Variants in ADCY2 observed in about 807,000 individuals in gnomAD.
ADCY2 encodes the protein adenylate cyclase 2, also known as adenylate cyclase type 2.
In ADCY2, 31 loss-of-function variants were observed where a neutral mutation model predicts 125.2. The observed-to-expected ratio is 0.25, with a 90% CI of 0.19 to 0.33. The LOEUF is 0.33. ADCY2 is among the 10% of genes least tolerant of loss of function. ADCY2 has a pLI of 1.00. For missense variants in ADCY2, 904 were observed against 1,418.2 expected (o/e 0.64, Z 5.82); for synonymous variants, 512 against 548.4 (o/e 0.93, Z 0.93).
chr5:7,528,590 T>C (rs922045463), intron 3 of ADCY2, among the ~76,000 whole-genome samples: 3 of 152,288 alleles, frequency 2.0e-5, no homozygotes, highest in South Asian at 4.1e-4. Flanking sequence ...GTGACAGCCA[T>C]CCATTAACTG....
chr5:7,513,106 C>CACAGAGAGAG (rs777343291), intron 2 of ADCY2, among the ~76,000 whole-genome samples: 3 of 138,540 alleles, frequency 2.2e-5, no homozygotes, highest in African/African-American at 5.1e-5. Flanking sequence ...CACACACACA[C>CACAGAGAGAG]AGAGAGAGAG....
chr5:7,642,684 A>T (rs1738751116), intron 4 of ADCY2, among the ~76,000 whole-genome samples: 1 of 152,180 alleles, frequency 6.6e-6, no homozygotes, highest in Non-Finnish European at 1.5e-5. Flanking sequence ...CAAGGTCAAC[A>T]TTAAATAAAA....
chr5:7,642,124 T>C (rs1738730081), intron 4 of ADCY2, among the ~76,000 whole-genome samples: 1 of 152,216 alleles, frequency 6.6e-6, no homozygotes, highest in Non-Finnish European at 1.5e-5. Context: ...GTGGCTGAAC[T>C]AATTTACATT....
chr5:7,667,852 C>T (rs1001509216), intron 4 of ADCY2, among the ~76,000 whole-genome samples: 2 of 152,108 alleles, frequency 1.3e-5, no homozygotes, highest in Non-Finnish European at 2.9e-5. Context: ...CTCACTACGA[C>T]AGTATCAGGG....
chr5:7,497,222 C>A (rs1489960342), intron 2 of ADCY2, among the ~76,000 whole-genome samples: 3 of 152,038 alleles, frequency 2.0e-5, no homozygotes, highest in African/African-American at 7.2e-5. Flanking sequence ...ATGTCACTAA[C>A]AGTATGGAAG....
intron 4 of ADCY2, among the ~76,000 whole-genome samples, chr5:7,677,416 G>A (rs985645933): frequency 6.6e-6 from 1 of 152,162 alleles, no homozygotes; most frequent in African/African-American, 2.4e-5. Flanking sequence ...TCCTCTCCAC[G>A]ATTGAATCTG....
chr5:7,509,021 T>G (rs892970131), intron 2 of ADCY2, among the ~76,000 whole-genome samples: 1 of 152,164 alleles, frequency 6.6e-6, no homozygotes, highest in African/African-American at 2.4e-5. Context: ...TTTGCAGACT[T>G]TAACTAAACA....
intron 2 of ADCY2, among the ~76,000 whole-genome samples, chr5:7,426,059 C>T (rs1467730295): frequency 2.6e-5 from 4 of 152,146 alleles, no homozygotes; most frequent in African/African-American, 9.7e-5. Context: ...AGTAAAGTCC[C>T]TGGAAGAGTT....
intron 3 of ADCY2, among the ~76,000 whole-genome samples, chr5:7,620,039 T>C (rs1222103026): frequency 6.6e-6 from 1 of 152,190 alleles, no homozygotes; most frequent in East Asian, 1.9e-4. Flanking sequence ...CCTGTTGGCT[T>C]TTAAAGAGTT....
intron 1 of ADCY2, among the ~76,000 whole-genome samples, chr5:7,410,203 G>T (rs920028555): frequency 2.0e-5 from 3 of 152,038 alleles, no homozygotes; most frequent in South Asian, 2.1e-4. Flanking sequence ...GATGGAAATT[G>T]GTTTCTACCT....
chr5:7,628,676 C>T (rs1002001993), intron 4 of ADCY2, among the ~76,000 whole-genome samples: 8 of 152,106 alleles, frequency 5.3e-5, no homozygotes, highest in Admixed American at 2.6e-4. Context: ...TTGTCACAAG[C>T]GTTGGAAGTC....
intron 2 of ADCY2, among the ~76,000 whole-genome samples, chr5:7,513,104 C>G (rs868425253): frequency 6.9e-6 from 1 of 145,820 alleles, no homozygotes; most frequent in East Asian, 2.1e-4. Context: ...CACACACACA[C>G]ACAGAGAGAG....
intron 12 of ADCY2, among the ~76,000 whole-genome samples, chr5:7,717,817 C>T (rs976866391): frequency 2.6e-5 from 4 of 152,140 alleles, no homozygotes; most frequent in East Asian, 3.9e-4. Flanking sequence ...AGAATGACTG[C>T]GCTCATCACC....
At chr5:7,413,260 A>T (rs1014285996) in intron 1 of ADCY2, among the ~76,000 whole-genome samples, 2 of 151,860 alleles carry the variant, frequency 1.3e-5, no homozygotes, top group African/African-American at 4.8e-5. Flanking sequence ...GTCCCTTTGT[A>T]AGTCCCATAT....
chr5:7,536,306 T>A (rs559989991), intron 3 of ADCY2, among the ~76,000 whole-genome samples: 1 of 152,288 alleles, frequency 6.6e-6, no homozygotes, highest in Admixed American at 6.5e-5. Flanking sequence ...CTCAGACCAA[T>A]CGTGTAGGGC....
chr5:7,489,262 CT>C (rs1743067099), intron 2 of ADCY2, among the ~76,000 whole-genome samples: 1 of 152,150 alleles, frequency 6.6e-6, no homozygotes, highest in South Asian at 2.1e-4. Context: ...AGCAGGGCCC[CT>C]AGCACTCCTA....
intron 1 of ADCY2, among the ~76,000 whole-genome samples, chr5:7,401,156 C>G (rs1240733879): frequency 6.6e-6 from 1 of 152,190 alleles, no homozygotes; most frequent in African/African-American, 2.4e-5. Flanking sequence ...TTAGTACATG[C>G]AAAGCCCTTA....
intron 3 of ADCY2, among the ~76,000 whole-genome samples, chr5:7,618,969 G>C (rs6860515): frequency 0.038 from 5,709 of 152,190 alleles, 362 homozygotes; most frequent in African/African-American, 0.13. Context: ...TGGGAGACAG[G>C]GTTTGGGAAG....
Position 7,826,963 on chromosome 5 carries a change from C to T in ADCY2, c.*92C>T, listed in dbSNP as rs1745500940. The T allele has an allele frequency of 9.6e-6, 14 of 1,465,172 alleles. No individual in the cohort carries two copies. Among genetic ancestry groups the T allele is most frequent in the Middle Eastern group, 2.1e-4 (1 of 4,730 alleles). The allele number at this position is 1,465,172 out of a possible 1,614,324, so 90.8% of individuals were successfully genotyped here. A position where few individuals can be genotyped will look rare whatever the true frequency, so the allele number is the denominator to read the frequency against. The stretch of plus-strand genomic sequence containing the variant: ...ACTTCTGTCCCTTGTTTTTGATGTG[C>T]GTGCTGTCTGTCCTATGGAGCCTCT... On this transcript the variant is annotated 3_prime_UTR_variant, in exon 25 of 25. Coordinates refer to ENST00000338316, the MANE Select transcript of ADCY2 (RefSeq NM_020546.3).
Sources: allele counts gnomAD v4.1 joint callset (sites outside exome capture counted in the v4.1 genomes callset), GRCh38; gene constraint gnomAD v4.1.1; transcripts MANE v1.5; gene names NCBI Gene and HGNC (gene_info 2026-07-23, HGNC 2026-07-21).